INVS: variants seen among roughly 807,000 people sequenced by gnomAD.
INVS encodes the protein inversion of embryo turning homolog.
A neutral mutation model predicts 108.8 loss-of-function variants in INVS; 86 were observed. The observed-to-expected ratio is 0.79, with a 90% confidence interval of 0.66 to 0.95. The LOEUF is 0.95. INVS is among the 40% of genes least tolerant of loss of function. The probability of loss-of-function intolerance (pLI) is 0.00; values close to 1 mark genes in which losing one functional copy is unlikely to be tolerated. For synonymous variants in INVS, 455 were observed against 473.5 expected, an observed-to-expected ratio of 0.96 and a Z score of 0.51; for missense variants, 1,169 against 1,297.4, an observed-to-expected ratio of 0.90 and a Z score of 1.52.
chr9:100,199,507 C>A (rs1026935421), intron 3 of INVS, among the ~76,000 whole-genome samples: 7 of 151,760 alleles, frequency 4.6e-5, no homozygotes, highest in African/African-American at 1.5e-4. Context: ...CATTTTAGTT[C>A]TTCAATTGGC....
At chr9:100,159,786 T>C (rs1168395503) in intron 3 of INVS, among the ~76,000 whole-genome samples, 4 of 152,138 alleles carry the variant, frequency 2.6e-5, no homozygotes, top group Non-Finnish European at 5.9e-5. Flanking sequence ...GCCTCATAAC[T>C]CTGGAGACTT....
chr9:100,155,522 G>C (rs1405712737), intron 3 of INVS, among the ~76,000 whole-genome samples: 1 of 151,988 alleles, frequency 6.6e-6, no homozygotes, highest in African/African-American at 2.4e-5. Context: ...ATTTTTAGTA[G>C]AGATGGGGTT....
At chr9:100,224,501 A>G (rs1490051078) in intron 3 of INVS, among the ~76,000 whole-genome samples, 1 of 152,234 alleles carries the variant, frequency 6.6e-6, no homozygotes, top group Admixed American at 6.5e-5. Flanking sequence ...AAAAGAGCCC[A>G]GAAGAACAAT....
rs1832292486 is a variant in INVS, at chr9:100,253,125, C to G, written c.1453C>G (p.Gln485Glu). Reference protein sequence around the residue: ...LMENNADPNIQDKEGRTALHW... With the variant: ...LMENNADPNIEDKEGRTALHW... ...GGAAAACAATGCAGACCCTAACATTCAAGACAAAGAGGTAGAAATTCTGTC... is the reference window on the plus strand; with the variant it reads ...GGAAAACAATGCAGACCCTAACATTGAAGACAAAGAGGTAGAAATTCTGTC... The change falls in exon 10 of 17, where the codon CAA becomes GAA. Residue 485 changes from glutamine to glutamate, a missense_variant. Gln to Glu is a conservative substitution (Grantham distance 29, BLOSUM62 2). Around this residue, in one of 3 missense-constraint regions of INVS, gnomAD observed 271 missense variants for 363.8 expected, o/e 0.74. Transcript: ENST00000262457. 1 of 1,611,128 alleles carries G rather than the reference C, an allele frequency of 6.2e-7. No homozygotes were observed. The highest frequency in any genetic ancestry group is 8.5e-7 in the Non-Finnish European group (1 of 1,177,568).
chr9:100,101,055 TTATA>T (rs1348855674), intron 1 of INVS, among the ~76,000 whole-genome samples: 3 of 112,510 alleles, frequency 2.7e-5, no homozygotes, highest in South Asian at 2.4e-4. Flanking sequence ...TATATATAAT[TTATA>T]TATGTATAAT....
chr9:100,300,514 C>T, intron 16 of INVS, 54 bp from the exon 17 acceptor site: 2 of 1,230,590 alleles, frequency 1.6e-6, no homozygotes, highest in East Asian at 2.3e-5. Flanking sequence ...GAACTATTCC[C>T]TTCAGCCTTA....
intron 8 of INVS, among the ~76,000 whole-genome samples, chr9:100,251,442 G>C (rs1166966804): frequency 1.3e-5 from 2 of 152,234 alleles, no homozygotes; most frequent in Non-Finnish European, 2.9e-5. Context: ...GAGTAACATA[G>C]AGAGGAGTCA....
At chr9:100,281,016 C>T (rs1340224107) in intron 12 of INVS, among the ~76,000 whole-genome samples, 1 of 152,050 alleles carries the variant, frequency 6.6e-6, no homozygotes, top group Non-Finnish European at 1.5e-5. Flanking sequence ...CAGAGTGAGA[C>T]CCTGTTTCTA....
chr9:100,205,274 G>C (rs1830641389), intron 3 of INVS, among the ~76,000 whole-genome samples: 1 of 152,072 alleles, frequency 6.6e-6, no homozygotes, highest in Admixed American at 6.6e-5. Flanking sequence ...CTGCCATCCT[G>C]CTGCATCTGT....
intron 1 of INVS, among the ~76,000 whole-genome samples, chr9:100,103,201 C>T (rs1827059127): frequency 6.6e-6 from 1 of 152,152 alleles, no homozygotes; most frequent in Non-Finnish European, 1.5e-5. Context: ...AACCTGTTGC[C>T]CAGTCTGGCA....
chr9:100,117,058 C>A, intron 2 of INVS: 1 of 1,269,710 alleles, frequency 7.9e-7, no homozygotes, highest in Non-Finnish European at 1.1e-6. Flanking sequence ...TGAGGCACAC[C>A]AGCACAGAGC....
intron 3 of INVS, among the ~76,000 whole-genome samples, chr9:100,128,971 G>C (rs993884982): frequency 6.6e-6 from 1 of 152,048 alleles, no homozygotes; most frequent in Non-Finnish European, 1.5e-5. Flanking sequence ...GCTCTCTTGA[G>C]GCCAGGAGTT....
At position 100,296,972 on chromosome 9, in the gene INVS, G is replaced by A. The variant is rs1588153801; in HGVS notation, c.2842G>A (p.Gly948Arg). 1 of 1,614,088 alleles carries A rather than the reference G, an allele frequency of 6.2e-7. No homozygotes were observed. The highest frequency in any genetic ancestry group is 8.5e-7 in the Non-Finnish European group (1 of 1,180,006). ...TCGGCATATGAAGCAGCTTGGAGCTGGAGATGTGGACAGATGGAGGCAAGA... is the reference window on the plus strand; with the variant it reads ...TCGGCATATGAAGCAGCTTGGAGCTAGAGATGTGGACAGATGGAGGCAAGA... ...HLRHMKQLGAGDVDRWRQEST... is the reference protein window; with the variant it reads ...HLRHMKQLGARDVDRWRQEST... Residue 948 changes from glycine to arginine, a missense_variant, in exon 15 of 17, where the codon GGA (glycine) becomes AGA (arginine). Physicochemically the swap from Gly to Arg is moderately radical, Grantham distance 125. This residue lies in a region of INVS where 533 missense variants were observed against 536.0 expected (regional missense o/e 0.99). Transcript: ENST00000262457.
intron 13 of INVS, among the ~76,000 whole-genome samples, chr9:100,287,207 G>C (rs1329267106): frequency 1.3e-5 from 2 of 152,108 alleles, no homozygotes; most frequent in Non-Finnish European, 2.9e-5. Flanking sequence ...GGTTTACGTG[G>C]TTTTCATCCT....
chr9:100,191,589 A>G (rs1208269624), intron 3 of INVS, among the ~76,000 whole-genome samples: 4 of 152,100 alleles, frequency 2.6e-5, no homozygotes, highest in Non-Finnish European at 5.9e-5. Context: ...ATCCTGAATT[A>G]TTTTTTTAAC....
chr9:100,232,312 C>T (rs1013612530), intron 5 of INVS, among the ~76,000 whole-genome samples: 3 of 152,024 alleles, frequency 2.0e-5, no homozygotes, highest in African/African-American at 7.3e-5. Context: ...TGCCTGTTCA[C>T]GCTGATGATA....
chr9:100,177,933 A>G (rs1426607330), intron 3 of INVS, among the ~76,000 whole-genome samples: 4 of 152,240 alleles, frequency 2.6e-5, no homozygotes, highest in Non-Finnish European at 4.4e-5. Flanking sequence ...AGGAAGGAAC[A>G]GGCAGCAATC....
intron 3 of INVS, among the ~76,000 whole-genome samples, chr9:100,161,388 A>AAAAACAAAAAAAAAAC (rs1829181895): frequency 7.2e-6 from 1 of 139,046 alleles, no homozygotes. Flanking sequence ...AAAAAAAAAA[A>AAAAACAAAAAAAAAAC]AAAACCTCAT....
intron 7 of INVS, among the ~76,000 whole-genome samples, chr9:100,244,674 C>T (rs1831987556): frequency 6.6e-6 from 1 of 152,014 alleles, no homozygotes; most frequent in African/African-American, 2.4e-5. Context: ...GTTTCAAGTC[C>T]CTTGATCTCC....
Sources: allele counts gnomAD v4.1 joint callset (sites outside exome capture counted in the v4.1 genomes callset), GRCh38; gene constraint gnomAD v4.1.1; regional missense constraint gnomAD v4.1.1; transcripts MANE v1.5; gene names NCBI Gene and HGNC (gene_info 2026-07-23, HGNC 2026-07-21).